Variants in ARRDC4 observed in about 807,000 individuals in gnomAD.
The protein encoded by ARRDC4 is arrestin domain-containing protein 4.
Under a neutral mutation model 44.6 loss-of-function variants are expected in ARRDC4, and 40 were observed. That is an observed-to-expected ratio of 0.90 (90% CI 0.70 to 1.17). The LOEUF (loss-of-function observed/expected upper bound fraction) is 1.17. Ranked by LOEUF, ARRDC4 falls within the 50% of genes most tolerant of loss-of-function variation. The probability of loss-of-function intolerance (pLI) is 0.00; values close to 1 mark genes in which losing one functional copy is unlikely to be tolerated. For synonymous variants in ARRDC4, 211 were observed against 221.2 expected (o/e 0.95, Z 0.41); for missense variants, 550 against 559.1 (o/e 0.98, Z 0.16).
rs1899427955 is a variant in ARRDC4, at chr15:97,966,958, A to T, written c.522+916A>T. Among the ~76,000 whole-genome samples the T allele has an allele frequency of 6.6e-6, 1 of 152,090 alleles. No individual in the cohort carries two copies. Among genetic ancestry groups the T allele is most frequent in the Non-Finnish European group, 1.5e-5 (1 of 68,000 alleles). On this transcript the variant is annotated intron_variant, in intron 3 of 7. Transcript: ENST00000268042. The surrounding 1 kb of genome is among the most constrained non-coding windows in gnomAD (Gnocchi z 4.7). ...AGCTAGCAGTTAGAAGTTGTTGTTT[A>T]AGTCTTATTTTCGCATGAGAAAGAA...
At position 97,966,021 on chromosome 15, in the gene ARRDC4, T is replaced by C. The variant is rs376482434; in HGVS notation, c.501T>C (p.Asp167=). The C allele has an allele frequency of 3.8e-5, 62 of 1,614,056 alleles. No individual in the cohort carries two copies. The highest frequency in any genetic ancestry group is 1.6e-4 in the Middle Eastern group (1 of 6,084). Residue 167 remains aspartate, a synonymous_variant, in exon 3 of 8, where the codon GAT becomes GAC. Coordinates refer to ENST00000268042, the MANE Select transcript of ARRDC4 (RefSeq NM_183376.3). The surrounding 1 kb of genome is among the most constrained non-coding windows in gnomAD (Gnocchi z 4.7). The stretch of plus-strand genomic sequence containing the variant: ...AACTCCAGGTTGTTAGTCATGTCGA[T>C]GTCAACACACCAGCATTATTAGTAA... ...KRELQVVSHV[D]VNTPALLTPV...
Position 97,960,927 on chromosome 15 carries a change from G to C in ARRDC4, c.66G>C (p.Leu22=), listed in dbSNP as rs1899299144. ...GAEGRVKSLG[L]VFEDERKGCY... is the part of the protein sequence containing the mutation. ...AGGGCCGCGTGAAGAGCCTGGGTCT[G>C]GTGTTCGAGGACGAGCGCAAGGGCT... Residue 22 remains leucine (L), a synonymous_variant, in exon 1 of 8, where the codon CTG becomes CTC. Coordinates refer to ENST00000268042, the MANE Select transcript of ARRDC4 (RefSeq NM_183376.3). 2 of 1,463,610 alleles carry C rather than the reference G, an allele frequency of 1.4e-6. No individual in the cohort carries two copies. The highest frequency in any genetic ancestry group is 2.7e-5 in the South Asian group (2 of 75,268). 90.7% of individuals were successfully genotyped at this position (1,463,610 alleles called of 1,614,324 possible).
rs974989517 is a variant in ARRDC4 at position 97,965,796 on chromosome 15, CTTTT to C, written c.375-95_375-92del. 3.1e-5 allele frequency: 48 copies of C among 1,525,798 alleles called. No homozygotes were observed. Among genetic ancestry groups the C allele is most frequent in the Non-Finnish European group, 4.0e-5 (45 of 1,112,212 alleles). The allele number at this position is 1,525,798 out of a possible 1,614,324, so 94.5% of individuals were successfully genotyped here. A position where few individuals can be genotyped will look rare whatever the true frequency, so the allele number is the denominator to read the frequency against. ...TGAATAGTCCCTAAATAGACTTACT[CTTTT>C]TTTATTTCCAACCTAAAACATTTTA... On this transcript the variant is annotated intron_variant, in intron 2 of 7. Coordinates refer to ENST00000268042, the MANE Select transcript of ARRDC4 (RefSeq NM_183376.3). The surrounding 1 kb of genome is among the most constrained non-coding windows in gnomAD (Gnocchi z 5.1).
Position 97,966,009 on chromosome 15 carries a change from T to TA in ARRDC4, c.490dup (p.Ser164LysfsTer39). 6.2e-7 allele frequency: 1 copy of TA among 1,614,182 alleles called. No homozygotes were observed. The highest frequency in any genetic ancestry group is 1.1e-5 in the South Asian group (1 of 91,078). The stretch of plus-strand genomic sequence containing the variant: ...GTGTAAAGCGGGAACTCCAGGTTGT[T>TA]AGTCATGTCGATGTCAACACACCAG... On this transcript the variant is annotated frameshift_variant, in exon 3 of 8. Coordinates refer to ENST00000268042, the MANE Select transcript of ARRDC4 (RefSeq NM_183376.3). LOFTEE classifies it high-confidence loss of function. This position sits in a 1 kb window ranked among gnomAD's most constrained non-coding sequence, Gnocchi z 4.7.
chr15:97,960,889 G>A lies in ARRDC4; in HGVS notation c.28G>A (p.Ala10Thr), dbSNP rs1229377830. The change falls in exon 1 of 8, where the codon GCC (alanine) becomes ACC (threonine). Residue 10 changes from alanine to threonine, a missense_variant. By Grantham distance (58) the Ala-to-Thr change is moderately conservative. Coordinates refer to ENST00000268042, the MANE Select transcript of ARRDC4 (RefSeq NM_183376.3). The stretch of plus-strand genomic sequence containing the variant: ...GGGCGGGGAGGCTGGGTGCGCGGCG[G>A]CCGTGGGTGCCGAGGGCCGCGTGAA... MGGEAGCAA[A>T]VGAEGRVKSL... is the part of the protein sequence containing the mutation. 1 of 1,399,710 alleles carries A rather than the reference G, an allele frequency of 7.1e-7. No homozygotes were observed. The highest frequency in any genetic ancestry group is 9.4e-7 in the Non-Finnish European group (1 of 1,068,388). The allele number at this position is 1,399,710 out of a possible 1,614,324, so 86.7% of individuals were successfully genotyped here.
At chr15:97,971,085 T>G in intron 7 of ARRDC4, 46 bp from the exon 8 acceptor site, 1 of 1,596,746 alleles carries the variant, frequency 6.3e-7, no homozygotes, top group South Asian at 1.1e-5. Context: ...TAGAATCGTT[T>G]TAAATAATGC....
At chr15:97,961,777 C>T (rs977226483) in intron 1 of ARRDC4, among the ~76,000 whole-genome samples, 1 of 152,110 alleles carries the variant, frequency 6.6e-6, no homozygotes, top group African/African-American at 2.4e-5. Context: ...CCTCCGCATC[C>T]TCTTCCTCCC....
In ARRDC4 at chr15:97,972,757, C is replaced by A. The variant is rs533090993; in HGVS notation, c.*1570C>A. 9.2e-5 allele frequency: 14 copies of A among 152,636 alleles called. No individual in the cohort carries two copies. Among genetic ancestry groups the A allele is most frequent in the African/African-American group, 3.4e-4 (14 of 41,538 alleles). 9.5% of individuals were successfully genotyped at this position (152,636 alleles called of 1,614,324 possible). On this transcript the variant is annotated 3_prime_UTR_variant, in exon 8 of 8. Coordinates refer to ENST00000268042, the MANE Select transcript of ARRDC4 (RefSeq NM_183376.3). The surrounding 1 kb of genome is among the most constrained non-coding windows in gnomAD (Gnocchi z 5.3). The stretch of plus-strand genomic sequence containing the variant: ...ATTTTTCTTTCAATCAGCATGTTCA[C>A]CAAAAATAGAAAAGTTCTTCTAAGG...
In ARRDC4 at chr15:97,965,778, TC is replaced by T; in HGVS notation, c.375-114del. 1 of 1,492,288 alleles carries T rather than the reference TC, an allele frequency of 6.7e-7. No homozygotes were observed. Among genetic ancestry groups the T allele is most frequent in the East Asian group, 2.3e-5 (1 of 44,130 alleles). The allele number at this position is 1,492,288 out of a possible 1,614,324, so 92.4% of individuals were successfully genotyped here. The stretch of plus-strand genomic sequence containing the variant: ...AAGTATGCATGTTTACACTGAATAG[TC>T]CCTAAATAGACTTACTCTTTTTTTA... On this transcript the variant is annotated intron_variant, in intron 2 of 7. Transcript: ENST00000268042. This position sits in a 1 kb window ranked among gnomAD's most constrained non-coding sequence, Gnocchi z 5.1.
At position 97,965,965 on chromosome 15, in the gene ARRDC4, C is replaced by G. The variant is rs1201908119; in HGVS notation, c.445C>G (p.Pro149Ala). 1.2e-6 allele frequency: 2 copies of G among 1,613,994 alleles called. No individual in the cohort carries two copies. The highest frequency in any genetic ancestry group is 1.7e-5 in the Admixed American group (1 of 59,988). Residue 149 changes from proline to alanine, a missense_variant, in exon 3 of 8, where the codon CCC (proline) becomes GCC (alanine). By Grantham distance (27) the Pro-to-Ala change is conservative. Transcript: ENST00000268042. This position sits in a 1 kb window ranked among gnomAD's most constrained non-coding sequence, Gnocchi z 5.1. Reference protein sequence around the residue: ...QYCVRAVLERPKVPDQSVKRE... With the variant: ...QYCVRAVLERAKVPDQSVKRE... ...CTGTGTGCGGGCAGTGTTGGAACGA[C>G]CCAAGGTACCTGATCAGAGTGTAAA...
Position 97,960,755 on chromosome 15 carries a change from G to A in ARRDC4, c.-107G>A. 9.7e-7 allele frequency: 1 copy of A among 1,030,692 alleles called. No individual in the cohort carries two copies. The allele number at this position is 1,030,692 out of a possible 1,614,324, so 63.8% of individuals were successfully genotyped here. The stretch of plus-strand genomic sequence containing the variant: ...CATCGGGTACCGCACGGCTGCCGCG[G>A]CGGCCTTACCCTGCCGCGAGCGCCT... On this transcript the variant is annotated 5_prime_UTR_variant, in exon 1 of 8. Transcript: ENST00000268042.
At position 97,967,920 on chromosome 15, in the gene ARRDC4, T is replaced by C; in HGVS notation, c.523-94T>C. The C allele has an allele frequency of 1.3e-6, 1 of 766,042 alleles. No individual in the cohort carries two copies. The highest frequency in any genetic ancestry group is 3.0e-5 in the Admixed American group (1 of 33,566). The allele number at this position is 766,042 out of a possible 1,614,324, so 47.5% of individuals were successfully genotyped here. Reference sequence around the variant, plus strand: ...TTGATTCATTTTTTTGGTATTTCCTTACAACCATTCTGTGAAGATAGATAT... The same window carrying C: ...TTGATTCATTTTTTTGGTATTTCCTCACAACCATTCTGTGAAGATAGATAT... On this transcript the variant is annotated intron_variant, in intron 3 of 7. Coordinates refer to ENST00000268042, the MANE Select transcript of ARRDC4 (RefSeq NM_183376.3). The surrounding 1 kb of genome is among the most constrained non-coding windows in gnomAD (Gnocchi z 5.0).
intron 1 of ARRDC4, among the ~76,000 whole-genome samples, chr15:97,962,749 T>C: frequency 6.6e-6 from 1 of 152,280 alleles, no homozygotes; most frequent in Admixed American, 6.5e-5. Context: ...AATCATAGTC[T>C]CTTTTAGTTG....
At chr15:97,969,512 A>G (rs1364957732) in intron 5 of ARRDC4, 133 bp downstream of exon 5, 30 of 1,018,460 alleles carry the variant, frequency 2.9e-5, no homozygotes, top group Middle Eastern at 6.1e-4. Context: ...GGACTGTATG[A>G]AGATTGGCCC....
At chr15:97,969,505 C>T in intron 5 of ARRDC4, 126 bp downstream of exon 5, 8 of 1,081,020 alleles carry the variant, frequency 7.4e-6, no homozygotes, top group Non-Finnish European at 6.6e-6. Context: ...CAATTGGGGA[C>T]TGTATGAAGA....
rs377468327 is a variant in ARRDC4 at position 97,969,220 on chromosome 15, T to C, written c.723T>C (p.Ser241=). 1.9e-6 allele frequency: 3 copies of C among 1,613,762 alleles called. No individual in the cohort carries two copies. In the African/African-American group the frequency reaches 4.0e-5, roughly 22 times the overall value. ...AIFQTQTYLA[S]GKTKTIRHMV... ...TCCAAACGCAGACATATTTGGCTAG[T>C]GGAAAAACAAAGACCATTCGACACA... Residue 241 remains serine (S), a synonymous_variant, in exon 5 of 8, where the codon AGT becomes AGC. Coordinates refer to ENST00000268042, the MANE Select transcript of ARRDC4 (RefSeq NM_183376.3).
chr15:97,961,599 C>T (rs771610249), intron 1 of ARRDC4, among the ~76,000 whole-genome samples: 12 of 152,190 alleles, frequency 7.9e-5, no homozygotes, highest in Non-Finnish European at 1.8e-4. Context: ...GTTCTTGGTT[C>T]ATGATGAATT....
intron 1 of ARRDC4, among the ~76,000 whole-genome samples, chr15:97,964,049 A>C (rs1899371270): frequency 6.6e-6 from 1 of 152,066 alleles, no homozygotes; most frequent in African/African-American, 2.4e-5. Context: ...CAGTCACCCA[A>C]CTGTGGAGTA....
Position 97,969,971 on chromosome 15 carries a change from G to C in ARRDC4, c.971G>C (p.Arg324Thr), listed in dbSNP as rs1567194710. 6.2e-7 allele frequency: 1 copy of C among 1,612,812 alleles called. No individual in the cohort carries two copies. Among genetic ancestry groups the C allele is most frequent in the Admixed American group, 1.7e-5 (1 of 59,822 alleles). The change falls in exon 6 of 8, where the codon AGA (arginine) becomes ACA (threonine). Residue 324 changes from arginine to threonine, a missense_variant. Transcript: ENST00000268042. ...GTIPYNGFGS[R>T]NSSIASQFSM... The stretch of plus-strand genomic sequence containing the variant: ...ATTCCATATAATGGTTTTGGCAGCA[G>C]AAACTCCAGCATTGCCAGCCAGTTC...
Sources: allele counts gnomAD v4.1 joint callset (sites outside exome capture counted in the v4.1 genomes callset), GRCh38; gene constraint gnomAD v4.1.1; non-coding constraint Gnocchi (gnomAD v3.1); transcripts MANE v1.5; gene names NCBI Gene and HGNC (gene_info 2026-07-23, HGNC 2026-07-21).